GSG1L: variants seen among roughly 807,000 people sequenced by gnomAD.
GSG1L encodes the protein germ cell-specific gene 1-like protein.
GSG1L carries 24 observed loss-of-function variants against 42.1 expected under a neutral mutation model. That is an observed-to-expected ratio of 0.57 (90% CI 0.41 to 0.80). GSG1L has a LOEUF of 0.80. GSG1L is among the 30% of genes least tolerant of loss of function. The probability of loss-of-function intolerance (pLI) is 0.00; values close to 1 mark genes in which losing one functional copy is unlikely to be tolerated. For missense variants in GSG1L, 445 were observed against 472.2 expected, an observed-to-expected ratio of 0.94 and a Z score of 0.53; for synonymous variants, 215 against 203.5, an observed-to-expected ratio of 1.06 and a Z score of -0.48.
rs375637190 is a variant in GSG1L, at chr16:27,980,365, G to A, written c.350-17162C>T. 1.8e-4 allele frequency among the ~76,000 whole-genome samples: 28 copies of A among 152,284 alleles called. 1 individual carries two copies. The South Asian group carries it at 5.8e-3, about 32-fold the overall frequency. ...ATTCCATACCCCACCAGATGGTGTTGCTGAGGCTTCCATGGAGTCAGGAGG... is the reference window on the plus strand; with the variant it reads ...ATTCCATACCCCACCAGATGGTGTTACTGAGGCTTCCATGGAGTCAGGAGG... On this transcript the variant is annotated intron_variant, in intron 1 of 6. Transcript: ENST00000447459.
Position 28,059,827 on chromosome 16 carries a change from G to A in GSG1L, c.349+3249C>T, listed in dbSNP as rs2086320836. On this transcript the variant is annotated intron_variant, in intron 1 of 6. Transcript: ENST00000447459. This position sits in a 1 kb window ranked among gnomAD's most constrained non-coding sequence, Gnocchi z 4.4. ...ACGCGGGTGCTCTTCTTGGAGCAAGGAGAAAAGGTTTCTTTGTGCAGGGTC... is the reference window on the plus strand; with the variant it reads ...ACGCGGGTGCTCTTCTTGGAGCAAGAAGAAAAGGTTTCTTTGTGCAGGGTC... 6.6e-6 allele frequency among the ~76,000 whole-genome samples: 1 copy of A among 152,226 alleles called. No individual in the cohort carries two copies. The highest frequency in any genetic ancestry group is 6.5e-5 in the Admixed American group (1 of 15,282).
chr16:28,041,317 G>C (rs1056028142), intron 1 of GSG1L, among the ~76,000 whole-genome samples: 2 of 152,000 alleles, frequency 1.3e-5, no homozygotes, highest in Non-Finnish European at 2.9e-5. Context: ...TGGGTGTGTT[G>C]GTGCATGCCT....
rs2082738987 is a variant in GSG1L, at chr16:27,790,518, T to C, written c.*852A>G. ...TCCAGGCATCTAAGCCCTGGGATTT[T>C]CTGTAAAGGTGGTGCTAGGCACAGG... is the stretch of plus-strand genomic sequence containing the variant. On this transcript the variant is annotated 3_prime_UTR_variant, in exon 7 of 7. Coordinates refer to ENST00000447459, the MANE Select transcript of GSG1L (RefSeq NM_001109763.2). 6.6e-6 allele frequency: 1 copy of C among 152,276 alleles called. No individual in the cohort carries two copies. Among genetic ancestry groups the C allele is most frequent in the South Asian group, 2.1e-4 (1 of 4,834 alleles). The allele number at this position is 152,276 out of a possible 1,614,324, so 9.4% of individuals were successfully genotyped here. A position where few individuals can be genotyped will look rare whatever the true frequency, so the allele number is the denominator to read the frequency against.
intron 6 of GSG1L, 121 bp from the exon 7 acceptor site, chr16:27,791,588 C>T: frequency 1.8e-6 from 1 of 559,944 alleles, no homozygotes; most frequent in African/African-American, 1.9e-5. Context: ...TTCTGCCCAT[C>T]ATGCCTTTTG....
chr16:27,958,557 G>A (rs1286342699), intron 2 of GSG1L, among the ~76,000 whole-genome samples: 3 of 152,172 alleles, frequency 2.0e-5, no homozygotes, highest in South Asian at 2.1e-4. Flanking sequence ...ATGTACATAC[G>A]TGTGTGTATG....
intron 2 of GSG1L, among the ~76,000 whole-genome samples, chr16:27,960,300 G>T (rs1325038031): frequency 3.3e-5 from 5 of 152,140 alleles, no homozygotes; most frequent in African/African-American, 9.7e-5. Flanking sequence ...CAGCCGTGTG[G>T]TTGCTCTGTA....
intron 4 of GSG1L, among the ~76,000 whole-genome samples, chr16:27,833,935 T>TCATGTCTTATGTATTG (rs1433833283): frequency 6.6e-6 from 1 of 152,178 alleles, no homozygotes; most frequent in African/African-American, 2.4e-5. Context: ...TATTTTCTTT[T>TCATGTCTTATGTATTG]CATGTCTTAT....
In GSG1L at chr16:28,044,056, C is replaced by G. The variant is rs919192173; in HGVS notation, c.349+19020G>C. Among the ~76,000 whole-genome samples, 3 of 152,200 alleles carry G rather than the reference C, an allele frequency of 2.0e-5. No individual in the cohort carries two copies. The East Asian group carries it at 5.8e-4, about 29-fold the overall frequency. ...AACAAAAAAAAACTGTATTAAATAA[C>G]AAAAATGATGATAATACAATCAAGT... On this transcript the variant is annotated intron_variant, in intron 1 of 6. Transcript: ENST00000447459.
At position 27,949,564 on chromosome 16, in the gene GSG1L, G is replaced by A. The variant is rs544305630; in HGVS notation, c.397+13592C>T. Among the ~76,000 whole-genome samples the A allele has an allele frequency of 1.8e-4, 27 of 152,172 alleles. No homozygotes were observed. The South Asian group carries it at 5.2e-3, about 29-fold the overall frequency. ...GGGCCCAGAAGTTCGAGGTTACAGT[G>A]AGCTACGATTGCACCACCGCACTCC... On this transcript the variant is annotated intron_variant, in intron 2 of 6. Transcript: ENST00000447459.
At chr16:27,928,868 T>C (rs963990184) in intron 2 of GSG1L, among the ~76,000 whole-genome samples, 3 of 152,270 alleles carry the variant, frequency 2.0e-5, no homozygotes, top group Admixed American at 1.3e-4. Flanking sequence ...TAAGGATTTC[T>C]GTCCCTCTTT....
At chr16:27,935,342 T>A (rs2084703114) in intron 2 of GSG1L, among the ~76,000 whole-genome samples, 1 of 151,996 alleles carries the variant, frequency 6.6e-6, no homozygotes, top group Admixed American at 6.6e-5. Context: ...GGCTTCAGAG[T>A]CAACAATGAG....
chr16:28,037,810 T>C (rs1315657182), intron 1 of GSG1L, among the ~76,000 whole-genome samples: 1 of 152,236 alleles, frequency 6.6e-6, no homozygotes, highest in Non-Finnish European at 1.5e-5. Context: ...TCTTTGGACC[T>C]GAGTATCACG....
chr16:27,925,483 G>A (rs1454049863), intron 2 of GSG1L, among the ~76,000 whole-genome samples: 1 of 152,192 alleles, frequency 6.6e-6, no homozygotes, highest in African/African-American at 2.4e-5. Context: ...GACCCAGAAT[G>A]TTGTGGTCAT....
At chr16:27,922,082 T>C (rs4788006) in intron 2 of GSG1L, among the ~76,000 whole-genome samples, 53,673 of 149,268 alleles carry the variant, frequency 0.36, 9,755 homozygotes, top group East Asian at 0.45. Flanking sequence ...TTAATCAACA[T>C]TTCATTTATT....
intron 1 of GSG1L, among the ~76,000 whole-genome samples, chr16:28,056,266 T>G (rs1319520950): frequency 6.6e-6 from 1 of 151,996 alleles, no homozygotes; most frequent in African/African-American, 2.4e-5. Context: ...GTGGCACATA[T>G]ACGCCATGGA....
At chr16:28,052,219 G>A (rs71389829) in intron 1 of GSG1L, among the ~76,000 whole-genome samples, 2 of 152,176 alleles carry the variant, frequency 1.3e-5, no homozygotes, top group South Asian at 2.1e-4. Flanking sequence ...GTGGGGTGTG[G>A]AGGAGTCATC....
intron 2 of GSG1L, among the ~76,000 whole-genome samples, chr16:27,948,803 G>T (rs540178438): frequency 6.7e-6 from 1 of 149,892 alleles, no homozygotes; most frequent in East Asian, 2.0e-4. Flanking sequence ...TAGAGACGGG[G>T]TTTCATCGTG....
intron 2 of GSG1L, among the ~76,000 whole-genome samples, chr16:27,947,021 G>A (rs1259821765): frequency 6.6e-6 from 1 of 152,078 alleles, no homozygotes; most frequent in Non-Finnish European, 1.5e-5. Flanking sequence ...GCACGCCTGA[G>A]GCCCCACCAC....
At chr16:27,865,127 C>T (rs796917061) in intron 3 of GSG1L, among the ~76,000 whole-genome samples, 13 of 152,254 alleles carry the variant, frequency 8.5e-5, no homozygotes, top group African/African-American at 2.9e-4. Flanking sequence ...GTCCAACTCT[C>T]ACCCCCACAC....
Sources: allele counts gnomAD v4.1 joint callset (sites outside exome capture counted in the v4.1 genomes callset), GRCh38; gene constraint gnomAD v4.1.1; non-coding constraint Gnocchi (gnomAD v3.1); transcripts MANE v1.5; gene names NCBI Gene and HGNC (gene_info 2026-07-23, HGNC 2026-07-21).